POR: variants seen among roughly 807,000 people sequenced by gnomAD.
POR encodes cytochrome p450 oxidoreductase.
A neutral mutation model predicts 84.0 loss-of-function variants in POR; 56 were observed. The ratio of observed to expected loss-of-function variants is 0.67; its 90% CI spans 0.54 to 0.83. The LOEUF (loss-of-function observed/expected upper bound fraction) is 0.83. POR is among the 40% of genes least tolerant of loss of function. POR has a pLI of 0.00. For synonymous variants in POR, 414 were observed against 400.5 expected (o/e 1.03, Z -0.40); for missense variants, 938 against 944.3 (o/e 0.99, Z 0.09).
chr7:75,933,025 A>G (rs76632231), intron 1 of POR, among the ~76,000 whole-genome samples: 3 of 138,096 alleles, frequency 2.2e-5, no homozygotes, highest in Admixed American at 2.2e-4. Flanking sequence ...ACTCCATCTG[A>G]AAAAAAAAAA....
At position 75,981,174 on chromosome 7, in the gene POR, T is replaced by C. The variant is rs1554557778; in HGVS notation, c.641+2T>C. The C allele has an allele frequency of 6.5e-7, 1 of 1,537,164 alleles. No individual in the cohort carries two copies. Among genetic ancestry groups the C allele is most frequent in the Non-Finnish European group, 8.8e-7 (1 of 1,139,194 alleles). ...GGGGTTGGGCGACGACGATGGGAAG[T>C]GAGTGCCCACCCTGCCACCATGATC... On this transcript the variant is annotated splice_donor_variant, in intron 6 of 15. Coordinates refer to ENST00000461988, the MANE Select transcript of POR (RefSeq NM_000941.3). LOFTEE classifies it high-confidence loss of function.
intron 1 of POR, chr7:75,947,156 AT>A (rs558615513): frequency 2.0e-5 from 3 of 150,734 alleles, no homozygotes; most frequent in Non-Finnish European, 4.4e-5. Context: ...ACTGTTAGGC[AT>A]TTTTTTTTGG....
intron 1 of POR, among the ~76,000 whole-genome samples, chr7:75,935,084 A>G (rs1262531491): frequency 6.6e-6 from 1 of 152,166 alleles, no homozygotes; most frequent in Non-Finnish European, 1.5e-5. Flanking sequence ...TGGAAAAGCC[A>G]CAGGCTGTGA....
chr7:75,981,051 T>A lies in POR; in HGVS notation c.520T>A (p.Phe174Ile). The stretch of plus-strand genomic sequence containing the variant: ...AGCGGCCCCTGTGTCCACGCAGGTG[T>A]TTGGTCTTGGGAACAAGACCTACGA... Residue 174 changes from phenylalanine to isoleucine, a missense_variant, in exon 6 of 16, where the codon TTT becomes ATT. Phe to Ile is a conservative substitution (Grantham distance 21). Transcript: ENST00000461988. The A allele has an allele frequency of 1.3e-6, 2 of 1,572,510 alleles. No individual in the cohort carries two copies. The highest frequency in any genetic ancestry group is 3.6e-5 in the Admixed American group (2 of 55,050).
chr7:75,976,996 A>G lies in POR; in HGVS notation c.238-2455A>G, dbSNP rs542112971. 5.9e-5 allele frequency among the ~76,000 whole-genome samples: 9 copies of G among 152,180 alleles called. No individual in the cohort carries two copies. The East Asian group carries it at 1.7e-3, about 29-fold the overall frequency. On this transcript the variant is annotated intron_variant, in intron 3 of 15. Coordinates refer to ENST00000461988, the MANE Select transcript of POR (RefSeq NM_000941.3). ...CTCCCAAGTAGCTAGAACCATAGGC[A>G]TGCGCCACCACACCCAGATAAATTT...
intron 2 of POR, among the ~76,000 whole-genome samples, chr7:75,965,562 A>G (rs1277062393): frequency 6.6e-6 from 1 of 152,032 alleles, no homozygotes; most frequent in African/African-American, 2.4e-5. Context: ...TTTGTGCCAG[A>G]TCAGATGATC....
At chr7:75,934,893 A>G (rs1807592117) in intron 1 of POR, among the ~76,000 whole-genome samples, 1 of 152,188 alleles carries the variant, frequency 6.6e-6, no homozygotes, top group South Asian at 2.1e-4. Flanking sequence ...CAGAGGATGT[A>G]TGGGAAAGCC....
intron 1 of POR, chr7:75,943,696 A>G (rs782754357): frequency 1.6e-5 from 5 of 317,530 alleles, no homozygotes; most frequent in Non-Finnish European, 3.2e-5. Context: ...TTTCATGCTA[A>G]TTCTTCAAAC....
intron 8 of POR, 119 bp downstream of exon 8, chr7:75,982,441 C>A (rs72557925): frequency 1.1e-5 from 9 of 824,222 alleles, no homozygotes; most frequent in Non-Finnish European, 1.8e-5. Context: ...CCCCGTGCCC[C>A]GAGTGGGTGT....
At position 75,981,972 on chromosome 7, in the gene POR, C is replaced by T. The variant is rs569762704; in HGVS notation, c.732-252C>T. ...TGCTGCCCGGGCTTCCTTACCTTCT[C>T]CCAGATGGAAGCCTGCCCAGCCCTG... On this transcript the variant is annotated intron_variant, in intron 7 of 15. Coordinates refer to ENST00000461988, the MANE Select transcript of POR (RefSeq NM_000941.3). 9 of 564,804 alleles carry T rather than the reference C, an allele frequency of 1.6e-5. No homozygotes were observed. In the South Asian group the frequency reaches 1.9e-4, roughly 12 times the overall value. 35.0% of individuals were successfully genotyped at this position (564,804 alleles called of 1,614,324 possible).
rs530530263 is a variant in POR at position 75,938,256 on chromosome 7, G to C, written c.-4-15733G>C. 3.3e-5 allele frequency among the ~76,000 whole-genome samples: 5 copies of C among 152,292 alleles called. No homozygotes were observed. The East Asian group carries it at 9.7e-4, about 29-fold the overall frequency. ...CGTTTGGCCATGGCCATCTTCAGTG[G>C]AGAATGTTCTCCAGGATACCTTGGT... On this transcript the variant is annotated intron_variant, in intron 1 of 15. Transcript: ENST00000461988.
In POR at chr7:75,943,565, A is replaced by G. The variant is rs146435090; in HGVS notation, c.-4-10424A>G. On this transcript the variant is annotated intron_variant, in intron 1 of 15. Transcript: ENST00000461988. ...CTGGTGAATAATATAGTGAACAACC[A>G]TAGGCTCCAACTAAGCCTTTTTCTG... Among the ~76,000 whole-genome samples, 567 of 152,374 alleles carry G rather than the reference A, an allele frequency of 3.7e-3. 3 individuals carry two copies. The highest frequency in any genetic ancestry group is 0.013 in the African/African-American group (533 of 41,584).
chr7:75,936,823 ATT>A (rs71519400), intron 1 of POR, among the ~76,000 whole-genome samples: 20,566 of 122,958 alleles, frequency 0.17, 1,887 homozygotes, highest in African/African-American at 0.37. Flanking sequence ...ATTATTATTA[ATT>A]TTTTTTTTTT....
At chr7:75,922,995 G>T (rs1401988416) in intron 1 of POR, 2 of 671,768 alleles carry the variant, frequency 3.0e-6, no homozygotes, top group African/African-American at 1.8e-5. Context: ...CCTTGGAATC[G>T]CCAGATAAAC....
intron 1 of POR, among the ~76,000 whole-genome samples, chr7:75,918,895 A>G (rs1554548447): frequency 1.3e-5 from 2 of 150,494 alleles, no homozygotes; most frequent in Admixed American, 6.6e-5. Flanking sequence ...CATGAGGCTG[A>G]GGTCGCGTGG....
chr7:75,972,564 C>T (rs781874186), intron 3 of POR, 103 bp downstream of exon 3: 98 of 1,165,148 alleles, frequency 8.4e-5, no homozygotes, highest in Non-Finnish European at 1.1e-4. Context: ...GAGGATGTCC[C>T]GGTGGCCAGG....
intron 1 of POR, chr7:75,946,642 G>A (rs1554552166): frequency 6.8e-6 from 1 of 147,142 alleles, no homozygotes; most frequent in African/African-American, 2.4e-5. Context: ...TAAGGGGTGT[G>A]TCTGGGGTCC....
chr7:75,961,031 A>C (rs12672697), intron 2 of POR, among the ~76,000 whole-genome samples: 1 of 151,948 alleles, frequency 6.6e-6, no homozygotes, highest in Non-Finnish European at 1.5e-5. Flanking sequence ...CCAGGAGTTC[A>C]AGACCAGCCT....
intron 1 of POR, among the ~76,000 whole-genome samples, chr7:75,949,842 A>C (rs1456608843): frequency 1.3e-5 from 2 of 148,566 alleles, no homozygotes; most frequent in Admixed American, 1.3e-4. Flanking sequence ...TTGATCAGGG[A>C]GGGGACATGA....
Sources: gnomAD v4.1 joint callset for allele counts (sites outside exome capture counted in the v4.1 genomes callset) on GRCh38, gnomAD v4.1.1 for gene constraint, MANE v1.5 for transcripts, NCBI Gene and HGNC (gene_info 2026-07-23, HGNC 2026-07-21) for gene names.